The following SLC2A1 variants were observed in gnomAD, a reference collection of about 807,000 sequenced individuals.
The protein encoded by SLC2A1 is solute carrier family 2, facilitated glucose transporter member 1.
In SLC2A1, 4 loss-of-function variants were observed where a neutral mutation model predicts 46.6. The observed-to-expected ratio is 0.09, with a 90% CI of 0.04 to 0.20. The LOEUF (loss-of-function observed/expected upper bound fraction) is 0.20. Ranked by LOEUF, SLC2A1 falls within the 10% of genes least tolerant of loss-of-function variation. The pLI is 1.00. For missense variants in SLC2A1, 352 were observed against 667.0 expected, an observed-to-expected ratio of 0.53 and a Z score of 5.20; for synonymous variants, 253 against 270.0, an observed-to-expected ratio of 0.94 and a Z score of 0.62.
At chr1:42,957,226 T>G (rs983324278) in intron 1 of SLC2A1, among the ~76,000 whole-genome samples, 1 of 152,230 alleles carries the variant, frequency 6.6e-6, no homozygotes, top group Admixed American at 6.5e-5. Flanking sequence ...ACTGAACTTT[T>G]GTTTAGTTAT....
At chr1:42,931,323 T>C in intron 2 of SLC2A1, 117 bp from the exon 3 acceptor site, 2 of 996,866 alleles carry the variant, frequency 2.0e-6, no homozygotes, top group Non-Finnish European at 2.9e-6. Flanking sequence ...TGCCACAGAT[T>C]CACTGCATGT....
intron 1 of SLC2A1, among the ~76,000 whole-genome samples, chr1:42,946,989 T>TA (rs1643663108): frequency 6.6e-6 from 1 of 152,192 alleles, no homozygotes; most frequent in Non-Finnish European, 1.5e-5. Context: ...GGGTTGCTGT[T>TA]ACGTTTTCTA....
rs971613249 is a variant in SLC2A1, at chr1:42,926,176, A to C, written c.*865T>G. 6.6e-6 allele frequency: 1 copy of C among 152,662 alleles called. No homozygotes were observed. The highest frequency in any genetic ancestry group is 1.5e-5 in the Non-Finnish European group (1 of 68,068). The allele number at this position is 152,662 out of a possible 1,614,324, so 9.5% of individuals were successfully genotyped here. A position where few individuals can be genotyped will look rare whatever the true frequency, so the allele number is the denominator to read the frequency against. On this transcript the variant is annotated 3_prime_UTR_variant, in exon 10 of 10. Coordinates refer to ENST00000426263, the MANE Select transcript of SLC2A1 (RefSeq NM_006516.4). The stretch of plus-strand genomic sequence containing the variant: ...CCATGTTTCTAAAAACCAGCCATTT[A>C]TATCTGTTTAGGTAAGTAACAGGAG...
chr1:42,929,108 C>T lies in SLC2A1; in HGVS notation c.973-75G>A, dbSNP rs757567273. On this transcript the variant is annotated intron_variant, in intron 7 of 9. Transcript: ENST00000426263. This position sits in a 1 kb window ranked among gnomAD's most constrained non-coding sequence, Gnocchi z 6.0. ...ACCCACCCACCCAGAGGCCTTGCCT[C>T]AAGAGCTGAGAAAGTCACAGGGCAC... is the stretch of plus-strand genomic sequence containing the variant. The T allele has an allele frequency of 4.8e-5, 76 of 1,569,592 alleles. No homozygotes were observed. Among genetic ancestry groups the T allele is most frequent in the Non-Finnish European group, 6.6e-5 (75 of 1,140,506 alleles).
At chr1:42,945,064 C>T (rs1482126152) in intron 1 of SLC2A1, among the ~76,000 whole-genome samples, 1 of 152,226 alleles carries the variant, frequency 6.6e-6, no homozygotes, top group African/African-American at 2.4e-5. Context: ...AATTCAGAGG[C>T]TGTGGCAAGG....
At chr1:42,949,939 C>G (rs1056358258) in intron 1 of SLC2A1, among the ~76,000 whole-genome samples, 8 of 152,198 alleles carry the variant, frequency 5.3e-5, no homozygotes, top group Non-Finnish European at 8.8e-5. Flanking sequence ...AAGGTTTCTA[C>G]CTGGTGCTTT....
At chr1:42,947,516 G>A (rs1266605581) in intron 1 of SLC2A1, among the ~76,000 whole-genome samples, 1 of 137,140 alleles carries the variant, frequency 7.3e-6, no homozygotes, top group East Asian at 2.3e-4. Flanking sequence ...GAGCTCAGGA[G>A]TTCAAGACCT....
In SLC2A1 at chr1:42,930,181, T is replaced by C; in HGVS notation, c.517-146A>G. On this transcript the variant is annotated intron_variant, in intron 4 of 9. Transcript: ENST00000426263. This position sits in a 1 kb window ranked among gnomAD's most constrained non-coding sequence, Gnocchi z 6.2. The stretch of plus-strand genomic sequence containing the variant: ...GGCTCTGCCACTAGCATGAGCCCTG[T>C]TTCTCAGTTTCCTCATCGGTCACAT... 1.1e-6 allele frequency: 1 copy of C among 879,130 alleles called. No individual in the cohort carries two copies. The highest frequency in any genetic ancestry group is 1.8e-6 in the Non-Finnish European group (1 of 548,864). The allele number at this position is 879,130 out of a possible 1,614,324, so 54.5% of individuals were successfully genotyped here.
intron 1 of SLC2A1, among the ~76,000 whole-genome samples, chr1:42,947,589 A>C (rs1281383926): frequency 8.1e-6 from 1 of 123,994 alleles, no homozygotes; most frequent in Non-Finnish European, 1.8e-5. Flanking sequence ...CACAAAAAAA[A>C]AAAAAAAAAA....
chr1:42,955,021 G>A (rs1319740550), intron 1 of SLC2A1, among the ~76,000 whole-genome samples: 1 of 152,164 alleles, frequency 6.6e-6, no homozygotes, highest in Non-Finnish European at 1.5e-5. Flanking sequence ...GCCCCTACTA[G>A]GAAGAATGGG....
rs766376173 is a variant in SLC2A1, at chr1:42,929,670, G to A, written c.790C>T (p.Arg264Cys). 51 of 1,613,460 alleles carry A rather than the reference G, an allele frequency of 3.2e-5. No homozygotes were observed. The highest frequency in any genetic ancestry group is 1.2e-4 in the Admixed American group (7 of 60,004). ...EKKVTILELF[R>C]SPAYRQPILI... ...ATGGGCTGGCGGTAGGCGGGGGAGC[G>A]GAACAGCTCCAGGATGGTGACCTTC... Residue 264 changes from arginine to cysteine, a missense_variant, in exon 6 of 10, where the codon CGC (arginine) becomes TGC (cysteine). By Grantham distance (180) the Arg-to-Cys change is radical (BLOSUM62 -3). Around this residue, in one of 5 missense-constraint regions of SLC2A1, gnomAD observed 167 missense variants for 280.8 expected, o/e 0.59. Coordinates refer to ENST00000426263, the MANE Select transcript of SLC2A1 (RefSeq NM_006516.4). The surrounding 1 kb of genome is among the most constrained non-coding windows in gnomAD (Gnocchi z 6.0).
chr1:42,927,519 T>A lies in SLC2A1; in HGVS notation c.1278+86A>T. 7.5e-7 allele frequency: 1 copy of A among 1,327,724 alleles called. No homozygotes were observed. The highest frequency in any genetic ancestry group is 1.2e-5 in the South Asian group (1 of 81,926). 82.2% of individuals were successfully genotyped at this position (1,327,724 alleles called of 1,614,324 possible). ...CCCTCAGTTTCCTCCTCAGCATGAT[T>A]CCTAATGAGAATGCTGGGCCAGCAC... On this transcript the variant is annotated intron_variant, in intron 9 of 9. Transcript: ENST00000426263. The surrounding 1 kb of genome is among the most constrained non-coding windows in gnomAD (Gnocchi z 5.3).
At chr1:42,949,314 C>T (rs1175937141) in intron 1 of SLC2A1, among the ~76,000 whole-genome samples, 1 of 152,132 alleles carries the variant, frequency 6.6e-6, no homozygotes, top group Non-Finnish European at 1.5e-5. Flanking sequence ...TTGCAGACTG[C>T]TGTAACATCG....
chr1:42,930,911 GC>G lies in SLC2A1; in HGVS notation c.276-46del, dbSNP rs778869250. ...TCAGGCCAGTGCCCACATTCCTTGGGCTCCGAGGGGCTGGGTCAGAGGTAAT... is the reference window on the plus strand; with the variant it reads ...TCAGGCCAGTGCCCACATTCCTTGGGTCCGAGGGGCTGGGTCAGAGGTAAT... On this transcript the variant is annotated intron_variant, in intron 3 of 9. Coordinates refer to ENST00000426263, the MANE Select transcript of SLC2A1 (RefSeq NM_006516.4). The surrounding 1 kb of genome is among the most constrained non-coding windows in gnomAD (Gnocchi z 6.2). 3 of 1,603,342 alleles carry G rather than the reference GC, an allele frequency of 1.9e-6. No homozygotes were observed. In the East Asian group the frequency reaches 6.7e-5, roughly 36 times the overall value.
chr1:42,929,842 A>C lies in SLC2A1; in HGVS notation c.679+31T>G. 1 of 1,613,744 alleles carries C rather than the reference A, an allele frequency of 6.2e-7. No homozygotes were observed. Among genetic ancestry groups the C allele is most frequent in the Non-Finnish European group, 8.5e-7 (1 of 1,179,928 alleles). On this transcript the variant is annotated intron_variant, in intron 5 of 9. Transcript: ENST00000426263. This position sits in a 1 kb window ranked among gnomAD's most constrained non-coding sequence, Gnocchi z 6.0. ...GTGGGAAGAAGGCCAGGGCTCAGGG[A>C]GTGGGGAGGAGGGCAGGGCCATGCC... is the stretch of plus-strand genomic sequence containing the variant.
chr1:42,935,853 C>T (rs1643537708), intron 2 of SLC2A1, among the ~76,000 whole-genome samples: 1 of 152,164 alleles, frequency 6.6e-6, no homozygotes, highest in South Asian at 2.1e-4. Flanking sequence ...GCTCCAGAGC[C>T]GGACTGGGGT....
intron 2 of SLC2A1, among the ~76,000 whole-genome samples, chr1:42,936,485 G>A (rs574405758): frequency 6.6e-6 from 1 of 152,284 alleles, no homozygotes; most frequent in East Asian, 1.9e-4. Context: ...GGTGGGGCTG[G>A]ACAGATAACC....
chr1:42,929,191 C>G lies in SLC2A1; in HGVS notation c.972+19G>C, dbSNP rs1643459756. On this transcript the variant is annotated intron_variant, in intron 7 of 9. Transcript: ENST00000426263. This position sits in a 1 kb window ranked among gnomAD's most constrained non-coding sequence, Gnocchi z 6.0. ...CCTCCCTGGGGTTTGGCTGGGGGGGCCAGTAAGCAAAGACTCACCGACACG... is the reference window on the plus strand; with the variant it reads ...CCTCCCTGGGGTTTGGCTGGGGGGGGCAGTAAGCAAAGACTCACCGACACG... 4 of 1,604,484 alleles carry G rather than the reference C, an allele frequency of 2.5e-6. No homozygotes were observed. Among genetic ancestry groups the G allele is most frequent in the African/African-American group, 2.7e-5 (2 of 74,744 alleles).
chr1:42,947,565 TACAC>T (rs373252084), intron 1 of SLC2A1, among the ~76,000 whole-genome samples: 1 of 89,724 alleles, frequency 1.1e-5, no homozygotes, highest in Non-Finnish European at 2.1e-5. Context: ...CTACTAAAAT[TACAC>T]ACACACACAC....
Sources: allele counts gnomAD v4.1 joint callset (sites outside exome capture counted in the v4.1 genomes callset), GRCh38; gene constraint gnomAD v4.1.1; regional missense constraint gnomAD v4.1.1; non-coding constraint Gnocchi (gnomAD v3.1); transcripts MANE v1.5; gene names NCBI Gene and HGNC (gene_info 2026-07-23, HGNC 2026-07-21).